The following TOPAZ1 variants were observed in gnomAD, a reference collection of about 807,000 sequenced individuals.
TOPAZ1 encodes the protein protein TOPAZ1.
A neutral mutation model predicts 172.2 loss-of-function variants in TOPAZ1; 66 were observed. The observed-to-expected ratio is 0.38, with a 90% confidence interval of 0.31 to 0.47. The LOEUF is 0.47. TOPAZ1 is among the 20% of genes least tolerant of loss of function. TOPAZ1 has a pLI of 0.99. For missense variants in TOPAZ1, 1,822 were observed against 1,972.4 expected (o/e 0.92, Z 1.44); for synonymous variants, 681 against 683.9 (o/e 1.00, Z 0.07).
chr3:44,271,154 A>T lies in TOPAZ1; in HGVS notation c.3372+344A>T, dbSNP rs1460790848. 1.7e-4 allele frequency among the ~76,000 whole-genome samples: 26 copies of T among 152,106 alleles called. 1 individual carries two copies. The highest frequency in any genetic ancestry group is 1.7e-3 in the Admixed American group (26 of 15,268). On this transcript the variant is annotated intron_variant, in intron 8 of 19. Transcript: ENST00000309765. Reference sequence around the variant, plus strand: ...TTGGTGAACATATGTATACGTTCTGATAGGTTATACTTAAAACTGGAACTG... The same window carrying T: ...TTGGTGAACATATGTATACGTTCTGTTAGGTTATACTTAAAACTGGAACTG...
intron 15 of TOPAZ1, among the ~76,000 whole-genome samples, chr3:44,309,572 CT>C: frequency 6.6e-6 from 1 of 152,236 alleles, no homozygotes; most frequent in Middle Eastern, 3.4e-3. Context: ...AAGAAGGCTT[CT>C]GATAAAGGGG....
chr3:44,333,658 C>T (rs1222611617), downstream of TOPAZ1, among the ~76,000 whole-genome samples: 2 of 152,062 alleles, frequency 1.3e-5, no homozygotes, highest in Non-Finnish European at 2.9e-5. Flanking sequence ...ATGACAAGAG[C>T]CTTATTGCTG....
chr3:44,292,801 G>A (rs1700152461), intron 12 of TOPAZ1, among the ~76,000 whole-genome samples: 1 of 152,150 alleles, frequency 6.6e-6, no homozygotes, highest in South Asian at 2.1e-4. Flanking sequence ...GGACATTCCA[G>A]AGCTTCTCTT....
Position 44,242,342 on chromosome 3 carries a change from C to G in TOPAZ1, c.289C>G (p.Pro97Ala). 1 of 1,552,274 alleles carries G rather than the reference C, an allele frequency of 6.4e-7. No homozygotes were observed. The highest frequency in any genetic ancestry group is 8.7e-7 in the Non-Finnish European group (1 of 1,147,124). The stretch of plus-strand genomic sequence containing the variant: ...GGTGAGCCCGTCAGACTCGTCAGAC[C>G]CGCGAGGCCTAGAAGCAGCAAAGGA... ...GPVSPSDSSDPRGLEAAKEAE... is the reference protein window; with the variant it reads ...GPVSPSDSSDARGLEAAKEAE... The change falls in exon 1 of 20, where the codon CCG becomes GCG. Residue 97 changes from proline (P) to alanine (A), a missense_variant. This residue lies in a region of TOPAZ1 where 1,489 missense variants were observed against 1,490.8 expected (regional missense o/e 1.00). Coordinates refer to ENST00000309765, the MANE Select transcript of TOPAZ1 (RefSeq NM_001145030.2).
At chr3:44,303,694 A>G (rs1329181870) in intron 12 of TOPAZ1, among the ~76,000 whole-genome samples, 1 of 152,034 alleles carries the variant, frequency 6.6e-6, no homozygotes, top group African/African-American at 2.4e-5. Context: ...AGTAGAGATC[A>G]TGTGCCAGGA....
chr3:44,301,465 A>G (rs1700271729), intron 12 of TOPAZ1, among the ~76,000 whole-genome samples: 1 of 152,216 alleles, frequency 6.6e-6, no homozygotes, highest in African/African-American at 2.4e-5. Context: ...TTCCTCCAGA[A>G]TACTTGTACC....
chr3:44,293,898 C>A (rs1253219058), intron 12 of TOPAZ1, among the ~76,000 whole-genome samples: 1 of 152,058 alleles, frequency 6.6e-6, no homozygotes, highest in Non-Finnish European at 1.5e-5. Flanking sequence ...GTAAGTACAC[C>A]CTTATGATGA....
At chr3:44,250,745 A>G (rs980265094) in intron 2 of TOPAZ1, among the ~76,000 whole-genome samples, 2 of 152,162 alleles carry the variant, frequency 1.3e-5, no homozygotes, top group Non-Finnish European at 2.9e-5. Context: ...CTTTCTTCTC[A>G]TCTCTGCTTC....
intron 1 of TOPAZ1, 125 bp from the exon 2 acceptor site, chr3:44,242,727 TG>T (rs1233798495): frequency 2.3e-4 from 176 of 772,362 alleles, no homozygotes; most frequent in South Asian, 1.1e-3. Flanking sequence ...TAAAAACAAA[TG>T]TGTATTTACA....
chr3:44,290,376 T>C (rs1204795428), intron 11 of TOPAZ1, among the ~76,000 whole-genome samples: 1 of 152,160 alleles, frequency 6.6e-6, no homozygotes, highest in African/African-American at 2.4e-5. Context: ...GAGTGATTAA[T>C]TTATCAAGGA....
chr3:44,271,617 A>G (rs1229612159), intron 8 of TOPAZ1, among the ~76,000 whole-genome samples: 9 of 151,832 alleles, frequency 5.9e-5, no homozygotes, highest in Non-Finnish European at 1.0e-4. Context: ...TTTAATTTTT[A>G]TTTTTAAATT....
chr3:44,301,947 T>G (rs1575728272), intron 12 of TOPAZ1, among the ~76,000 whole-genome samples: 1 of 152,222 alleles, frequency 6.6e-6, no homozygotes, highest in African/African-American at 2.4e-5. Flanking sequence ...TTTCTCTACA[T>G]GAAGGTTTTA....
chr3:44,248,655 G>A (rs1205000978), intron 2 of TOPAZ1, among the ~76,000 whole-genome samples: 2 of 152,152 alleles, frequency 1.3e-5, no homozygotes, highest in South Asian at 4.1e-4. Context: ...TTTCAGCTAT[G>A]TCCCTTTTAC....
intron 19 of TOPAZ1, among the ~76,000 whole-genome samples, chr3:44,328,832 C>A (rs1050698475): frequency 7.2e-5 from 11 of 152,112 alleles, no homozygotes; most frequent in Non-Finnish European, 1.5e-4. Context: ...CCAAGAATAC[C>A]ATTGAAAATA....
chr3:44,254,627 C>CA lies in TOPAZ1; in HGVS notation c.2766-320dup, dbSNP rs10579109. On this transcript the variant is annotated intron_variant, in intron 2 of 19. Coordinates refer to ENST00000309765, the MANE Select transcript of TOPAZ1 (RefSeq NM_001145030.2). ...GGGCAACAAGAGCGAAACTCCGTCT[C>CA]AAAAAAAAAAAAAAAAAAAAAGAGT... 3.0e-3 allele frequency among the ~76,000 whole-genome samples: 246 copies of CA among 83,176 alleles called. 2 individuals carry two copies. Among genetic ancestry groups the CA allele is most frequent in the African/African-American group, 7.6e-3 (159 of 20,918 alleles). 54.6% of individuals were successfully genotyped at this position (83,176 alleles called of 152,430 possible). A position where few individuals can be genotyped will look rare whatever the true frequency, so the allele number is the denominator to read the frequency against.
chr3:44,244,352 A>G lies in TOPAZ1; in HGVS notation c.1846A>G (p.Thr616Ala). The G allele has an allele frequency of 6.4e-7, 1 of 1,550,612 alleles. No homozygotes were observed. ...GGTAATTTCTAACACTACTGAAGAT[A>G]CTCAATTAACCAGTGAGACTCAAAG... ...SEVISNTTED[T>A]QLTSETQSLT... Residue 616 changes from threonine (T) to alanine (A), a missense_variant, in exon 2 of 20, where the codon ACT (threonine) becomes GCT (alanine). Coordinates refer to ENST00000309765, the MANE Select transcript of TOPAZ1 (RefSeq NM_001145030.2).
intron 8 of TOPAZ1, among the ~76,000 whole-genome samples, chr3:44,274,953 G>C (rs560058707): frequency 6.6e-6 from 1 of 151,062 alleles, no homozygotes; most frequent in Non-Finnish European, 1.5e-5. Flanking sequence ...ATATTTATGG[G>C]GTATATGTGA....
chr3:44,261,955 A>T (rs1321209328), intron 4 of TOPAZ1, among the ~76,000 whole-genome samples: 1 of 152,078 alleles, frequency 6.6e-6, no homozygotes. Flanking sequence ...AACATGTATA[A>T]CCTTCTTATG....
chr3:44,278,878 G>A (rs116715825), intron 8 of TOPAZ1, among the ~76,000 whole-genome samples: 1,703 of 149,758 alleles, frequency 0.011, 36 homozygotes, highest in African/African-American at 0.039. Context: ...ACTAGTTTTG[G>A]GTTTGGTTTC....
Sources: allele counts gnomAD v4.1 joint callset (sites outside exome capture counted in the v4.1 genomes callset), GRCh38; gene constraint gnomAD v4.1.1; regional missense constraint gnomAD v4.1.1; transcripts MANE v1.5; gene names NCBI Gene and HGNC (gene_info 2026-07-23, HGNC 2026-07-21).